Variants in METTL25 observed in about 807,000 individuals in gnomAD.
The protein encoded by METTL25 is methyltransferase like 25.
METTL25 carries 64 observed loss-of-function variants against 71.6 expected under a neutral mutation model. The ratio of observed to expected loss-of-function variants is 0.89; its 90% CI spans 0.73 to 1.10. METTL25 has a LOEUF of 1.10. Ranked by LOEUF, METTL25 falls within the 50% of genes least tolerant of loss-of-function variation. The pLI is 0.00. For missense variants in METTL25, 807 were observed against 707.0 expected (o/e 1.14, Z -1.60); for synonymous variants, 287 against 250.3 (o/e 1.15, Z -1.38).
At chr12:82,455,279 T>C (rs1299261863) in intron 8 of METTL25, among the ~76,000 whole-genome samples, 1 of 151,874 alleles carries the variant, frequency 6.6e-6, no homozygotes, top group African/African-American at 2.4e-5. Context: ...ATAAGATATA[T>C]ATCTATTATA....
intron 5 of METTL25, among the ~76,000 whole-genome samples, chr12:82,404,166 A>G (rs1175613183): frequency 1.3e-5 from 2 of 152,068 alleles, no homozygotes; most frequent in Non-Finnish European, 2.9e-5. Context: ...GTGTTTTGAC[A>G]TTTTTATTTT....
intron 4 of METTL25, among the ~76,000 whole-genome samples, chr12:82,400,445 T>C (rs949705103): frequency 3.9e-5 from 6 of 152,172 alleles, no homozygotes; most frequent in African/African-American, 9.6e-5. Flanking sequence ...ATTTTTTAAA[T>C]GGGAAATTTT....
At chr12:82,358,913 C>T in intron 1 of METTL25, 89 bp downstream of exon 1, 1 of 1,488,702 alleles carries the variant, frequency 6.7e-7, no homozygotes, top group African/African-American at 1.4e-5. Flanking sequence ...GCCAGCAGAA[C>T]CAGGTGCGTG....
chr12:82,363,290 C>T lies in METTL25; in HGVS notation c.259+4466C>T, dbSNP rs1212212382. 9.8e-5 allele frequency among the ~76,000 whole-genome samples: 15 copies of T among 152,314 alleles called. No individual in the cohort carries two copies. The East Asian group carries it at 2.9e-3, about 29-fold the overall frequency. ...TCCCACAAGTTTGCTGCACCTTCAA[C>T]AGAGTGTATTTCCTAAAGTACATAC... On this transcript the variant is annotated intron_variant, in intron 1 of 11. Coordinates refer to ENST00000248306, the MANE Select transcript of METTL25 (RefSeq NM_032230.3).
At chr12:82,466,537 A>G (rs1892245856) in intron 9 of METTL25, among the ~76,000 whole-genome samples, 1 of 151,982 alleles carries the variant, frequency 6.6e-6, no homozygotes, top group Non-Finnish European at 1.5e-5. Flanking sequence ...TGAATATTCC[A>G]TGTACTGATG....
chr12:82,384,943 G>A (rs1884828447), intron 1 of METTL25, among the ~76,000 whole-genome samples: 2 of 151,950 alleles, frequency 1.3e-5, no homozygotes, highest in Non-Finnish European at 1.5e-5. Flanking sequence ...TTAAACCTGA[G>A]AATTTCACTT....
chr12:82,394,400 A>C (rs1181384122), intron 3 of METTL25, among the ~76,000 whole-genome samples: 1 of 152,084 alleles, frequency 6.6e-6, no homozygotes, highest in Non-Finnish European at 1.5e-5. Flanking sequence ...GTGACCATAG[A>C]GAACTAAACA....
chr12:82,439,696 A>T (rs2642013), intron 8 of METTL25, among the ~76,000 whole-genome samples: 1 of 151,664 alleles, frequency 6.6e-6, no homozygotes, highest in Admixed American at 6.6e-5. Flanking sequence ...TTTCCAAATC[A>T]TCAAAATGTC....
chr12:82,432,812 G>T (rs189685932), intron 6 of METTL25, among the ~76,000 whole-genome samples: 3 of 143,344 alleles, frequency 2.1e-5, no homozygotes. Flanking sequence ...ATTGCCTTTC[G>T]CTCCATAACT....
intron 4 of METTL25, among the ~76,000 whole-genome samples, chr12:82,399,956 A>AG (rs1886439959): frequency 1.3e-5 from 2 of 151,748 alleles, no homozygotes; most frequent in Admixed American, 6.6e-5. Flanking sequence ...CTCAAAAAAA[A>AG]AAAAAAGGTA....
At chr12:82,449,734 G>T (rs1874058) in intron 8 of METTL25, among the ~76,000 whole-genome samples, 138,632 of 152,128 alleles carry the variant, frequency 0.91, 63,674 homozygotes, top group East Asian at 1. Flanking sequence ...GCTCCTTGAT[G>T]ACCATTTTTT....
chr12:82,444,459 G>A (rs1890597004), intron 8 of METTL25, among the ~76,000 whole-genome samples: 2 of 152,072 alleles, frequency 1.3e-5, no homozygotes, highest in African/African-American at 4.8e-5. Context: ...ATCAGCTGAA[G>A]GTATAAAACT....
intron 1 of METTL25, among the ~76,000 whole-genome samples, chr12:82,370,255 G>A (rs992299549): frequency 2.6e-5 from 4 of 152,174 alleles, no homozygotes; most frequent in Non-Finnish European, 5.9e-5. Flanking sequence ...GGTTCCATTT[G>A]TAAGACCATC....
In METTL25 at chr12:82,439,750, CTTA is replaced by C. The variant is rs1419866021; in HGVS notation, c.1478+961_1478+963del. The stretch of plus-strand genomic sequence containing the variant: ...GTGCTCCTGAAAACTAGTTCCTTCT[CTTA>C]TATTTACCCTAAGATGCTAACCTTG... On this transcript the variant is annotated intron_variant, in intron 8 of 11. Coordinates refer to ENST00000248306, the MANE Select transcript of METTL25 (RefSeq NM_032230.3). 2.7e-5 allele frequency: 10 copies of C among 372,970 alleles called. No homozygotes were observed. In the East Asian group the frequency reaches 1.5e-3, roughly 56 times the overall value. The allele number at this position is 372,970 out of a possible 1,614,324, so 23.1% of individuals were successfully genotyped here.
At chr12:82,372,709 A>T (rs1431964873) in intron 1 of METTL25, among the ~76,000 whole-genome samples, 1 of 152,080 alleles carries the variant, frequency 6.6e-6, no homozygotes, top group African/African-American at 2.4e-5. Context: ...GTGGCTTAGG[A>T]TGCATTTCAA....
chr12:82,463,287 A>G (rs1892014238), intron 9 of METTL25, among the ~76,000 whole-genome samples: 1 of 151,960 alleles, frequency 6.6e-6, no homozygotes, highest in Admixed American at 6.6e-5. Flanking sequence ...CTAGGAGATT[A>G]ACTTTTTTTT....
At chr12:82,447,311 A>G (rs1480403896) in intron 8 of METTL25, among the ~76,000 whole-genome samples, 1 of 152,144 alleles carries the variant, frequency 6.6e-6, no homozygotes, top group African/African-American at 2.4e-5. Flanking sequence ...AATAGCAGCA[A>G]TGTTTATAAA....
intron 6 of METTL25, among the ~76,000 whole-genome samples, chr12:82,433,849 T>G (rs746466904): frequency 6.6e-5 from 10 of 151,548 alleles, no homozygotes; most frequent in African/African-American, 1.9e-4. Context: ...ACATCTCTTA[T>G]ACATTTATTA....
chr12:82,444,297 G>A (rs75580211), intron 8 of METTL25, among the ~76,000 whole-genome samples: 1,583 of 152,142 alleles, frequency 0.01, 11 homozygotes, highest in Admixed American at 0.018. Context: ...ATAATATGGT[G>A]GCCAGCAAAG....
Sources: gnomAD v4.1 joint callset for allele counts (sites outside exome capture counted in the v4.1 genomes callset) on GRCh38, gnomAD v4.1.1 for gene constraint, MANE v1.5 for transcripts, NCBI Gene and HGNC (gene_info 2026-07-23, HGNC 2026-07-21) for gene names.